The following PLEKHA7 variants were observed in gnomAD, a reference collection of about 807,000 sequenced individuals.
PLEKHA7 encodes pleckstrin homology domain-containing family A member 7.
A neutral mutation model predicts 170.0 loss-of-function variants in PLEKHA7; 104 were observed. The observed-to-expected ratio is 0.61, with a 90% CI of 0.52 to 0.72. PLEKHA7 has a LOEUF of 0.72. Among genes scored for constraint, PLEKHA7 ranks in the 30% least tolerant of loss-of-function variants. The pLI is 0.00. For synonymous variants in PLEKHA7, 648 were observed against 660.8 expected (o/e 0.98, Z 0.30); for missense variants, 1,615 against 1,671.7 (o/e 0.97, Z 0.59).
At chr11:16,879,103 C>T (rs1035911836) in intron 3 of PLEKHA7, among the ~76,000 whole-genome samples, 2 of 152,170 alleles carry the variant, frequency 1.3e-5, no homozygotes, top group African/African-American at 4.8e-5. Flanking sequence ...TAAACATCAC[C>T]TGTATCTCCT....
chr11:16,791,158 G>A lies in PLEKHA7; in HGVS notation c.2787C>T (p.Tyr929=). The A allele has an allele frequency of 6.2e-7, 1 of 1,611,588 alleles. No homozygotes were observed. Among genetic ancestry groups the A allele is most frequent in the Non-Finnish European group, 8.5e-7 (1 of 1,178,360 alleles). ...APPRPPLPEL[Y]SPEDQPPAVP... ...CAGCCGGGGGCTGGTCCTCTGGGCT[G>A]TAGAGTTCGGGGAGTGGGGGCCTGG... The change falls in exon 20 of 27, where the codon TAC becomes TAT. Residue 929 remains tyrosine, a synonymous_variant. Transcript: ENST00000531066. The surrounding 1 kb of genome is among the most constrained non-coding windows in gnomAD (Gnocchi z 4.5).
chr11:16,962,005 A>G (rs1195910402), intron 3 of PLEKHA7, among the ~76,000 whole-genome samples: 1 of 152,226 alleles, frequency 6.6e-6, no homozygotes, highest in African/African-American at 2.4e-5. Context: ...GCAGGAGCCT[A>G]CGTTGCAAAA....
intron 8 of PLEKHA7, among the ~76,000 whole-genome samples, chr11:16,846,605 T>C (rs1192018507): frequency 6.6e-6 from 1 of 152,204 alleles, no homozygotes; most frequent in African/African-American, 2.4e-5. Context: ...AGCCTGGCAT[T>C]TGTAAGGCTC....
chr11:16,969,467 A>G (rs1862577939), intron 3 of PLEKHA7, among the ~76,000 whole-genome samples: 1 of 152,150 alleles, frequency 6.6e-6, no homozygotes, highest in Non-Finnish European at 1.5e-5. Context: ...ATTGAGGAAA[A>G]GACAGATGAT....
At chr11:16,832,696 C>T (rs1349150499) in intron 9 of PLEKHA7, among the ~76,000 whole-genome samples, 1 of 152,166 alleles carries the variant, frequency 6.6e-6, no homozygotes, top group African/African-American at 2.4e-5. Context: ...GTCCTGATGT[C>T]CAACACAGCC....
At chr11:16,832,156 T>C (rs2135085554) in intron 9 of PLEKHA7, among the ~76,000 whole-genome samples, 2 of 152,302 alleles carry the variant, frequency 1.3e-5, no homozygotes, top group Middle Eastern at 3.4e-3. Flanking sequence ...TAGAAGGTGA[T>C]AAAAAGCCCA....
chr11:16,988,735 C>T (rs956836638), intron 3 of PLEKHA7, among the ~76,000 whole-genome samples: 21 of 152,342 alleles, frequency 1.4e-4, no homozygotes, highest in South Asian at 6.2e-4. Flanking sequence ...CATGAGCCAC[C>T]GCATCCAGCC....
intron 5 of PLEKHA7, 72 bp downstream of exon 5, chr11:16,855,731 G>T: frequency 9.0e-7 from 1 of 1,115,770 alleles, no homozygotes; most frequent in Non-Finnish European, 1.3e-6. Flanking sequence ...AGATCAAATG[G>T]ACTTCTGGTT....
intron 3 of PLEKHA7, among the ~76,000 whole-genome samples, chr11:16,982,621 G>A (rs1030123729): frequency 3.3e-5 from 5 of 152,100 alleles, no homozygotes; most frequent in Non-Finnish European, 7.4e-5. Context: ...CCGTGGTACC[G>A]GAGCCCCAAA....
At chr11:16,990,485 T>C (rs566886693) in intron 3 of PLEKHA7, among the ~76,000 whole-genome samples, 2 of 152,294 alleles carry the variant, frequency 1.3e-5, no homozygotes, top group East Asian at 1.9e-4. Context: ...GGCCTGCTTA[T>C]GAGTCCTTCC....
At chr11:17,002,699 G>A (rs1391447316) in intron 3 of PLEKHA7, among the ~76,000 whole-genome samples, 1 of 152,154 alleles carries the variant, frequency 6.6e-6, no homozygotes, top group Non-Finnish European at 1.5e-5. Context: ...GACGTGAGAC[G>A]TGCCAGACAA....
chr11:16,929,123 T>C (rs754262832), intron 3 of PLEKHA7, among the ~76,000 whole-genome samples: 9 of 152,124 alleles, frequency 5.9e-5, no homozygotes, highest in Admixed American at 4.6e-4. Context: ...AAAAAGAAAC[T>C]ATGCCTTGAC....
At chr11:16,795,844 T>G (rs1362507329) in intron 17 of PLEKHA7, among the ~76,000 whole-genome samples, 2 of 133,350 alleles carry the variant, frequency 1.5e-5, no homozygotes, top group Non-Finnish European at 3.2e-5. Context: ...TTTACCACAG[T>G]TTTTTCCTTT....
chr11:16,832,168 G>A (rs771828658), intron 9 of PLEKHA7, among the ~76,000 whole-genome samples: 5 of 152,128 alleles, frequency 3.3e-5, no homozygotes, highest in Non-Finnish European at 7.3e-5. Context: ...AAAAGCCCAC[G>A]TCCCTGATTG....
Position 16,858,016 on chromosome 11 carries a change from G to C in PLEKHA7, c.306-2102C>G, listed in dbSNP as rs187618768. ...TTACAGGTGTGAGCCACAGCACCTGGCCTGTTTGGGATTTTATCAAATGTA... is the reference window on the plus strand; with the variant it reads ...TTACAGGTGTGAGCCACAGCACCTGCCCTGTTTGGGATTTTATCAAATGTA... On this transcript the variant is annotated intron_variant, in intron 4 of 26. Coordinates refer to ENST00000531066, the MANE Select transcript of PLEKHA7 (RefSeq NM_001329630.2). Among the ~76,000 whole-genome samples the C allele has an allele frequency of 4.0e-3, 609 of 152,318 alleles. 7 individuals are homozygous for C. The highest frequency in any genetic ancestry group is 0.014 in the African/African-American group (582 of 41,554).
intron 3 of PLEKHA7, among the ~76,000 whole-genome samples, chr11:16,872,969 G>A (rs932769373): frequency 1.3e-5 from 2 of 151,958 alleles, no homozygotes; most frequent in African/African-American, 4.8e-5. Context: ...GATATTTTAG[G>A]TGCCTCCCCC....
At chr11:16,988,594 C>T (rs1262009746) in intron 3 of PLEKHA7, among the ~76,000 whole-genome samples, 1 of 152,116 alleles carries the variant, frequency 6.6e-6, no homozygotes, top group African/African-American at 2.4e-5. Flanking sequence ...TTACAGGCAC[C>T]CACCACCATG....
At chr11:17,013,944 C>A (rs1362794694) in intron 3 of PLEKHA7, 45 bp downstream of exon 3, 1 of 1,452,438 alleles carries the variant, frequency 6.9e-7, no homozygotes, top group Non-Finnish European at 9.1e-7. Context: ...GGAGGGACCC[C>A]CCCCCCGCGG....
intron 17 of PLEKHA7, among the ~76,000 whole-genome samples, chr11:16,799,718 T>C (rs2134359550): frequency 6.6e-6 from 1 of 152,324 alleles, no homozygotes. Context: ...CGGTAAATGC[T>C]GCGGCTACAA....
Sources: allele counts gnomAD v4.1 joint callset (sites outside exome capture counted in the v4.1 genomes callset), GRCh38; gene constraint gnomAD v4.1.1; non-coding constraint Gnocchi (gnomAD v3.1); transcripts MANE v1.5; gene names NCBI Gene and HGNC (gene_info 2026-07-23, HGNC 2026-07-21).